Variants in EYS observed in about 807,000 individuals in gnomAD.
The protein encoded by EYS is protein eyes shut homolog.
In EYS, 250 loss-of-function variants were observed where a neutral mutation model predicts 282.1. That is an observed-to-expected ratio of 0.89 (90% confidence interval 0.80 to 0.98). The LOEUF (loss-of-function observed/expected upper bound fraction) is 0.98. Among genes scored for constraint, EYS ranks in the 50% least tolerant of loss-of-function variants. EYS has a pLI of 0.00. For missense variants in EYS, 4,016 were observed against 3,709.0 expected (o/e 1.08, Z -2.15); for synonymous variants, 1,355 against 1,282.9 (o/e 1.06, Z -1.20).
chr6:64,760,061 G>A (rs1231126088), intron 22 of EYS, among the ~76,000 whole-genome samples: 3 of 152,140 alleles, frequency 2.0e-5, no homozygotes, highest in Non-Finnish European at 4.4e-5. Flanking sequence ...TACCAATTAT[G>A]TTTTTAAAAT....
intron 12 of EYS, among the ~76,000 whole-genome samples, chr6:65,180,219 G>A (rs1356484551): frequency 2.0e-5 from 3 of 152,020 alleles, no homozygotes; most frequent in Non-Finnish European, 2.9e-5. Context: ...AGTCAGGCAG[G>A]AGAAGGAAAT....
intron 22 of EYS, among the ~76,000 whole-genome samples, chr6:64,731,446 A>C (rs1583090874): frequency 6.6e-6 from 1 of 152,364 alleles, no homozygotes; most frequent in Middle Eastern, 3.4e-3. Context: ...AGAATCTACA[A>C]GGAACTTAAA....
intron 2 of EYS, among the ~76,000 whole-genome samples, chr6:65,606,014 C>T (rs1427241864): frequency 6.6e-6 from 1 of 151,504 alleles, no homozygotes; most frequent in African/African-American, 2.4e-5. Flanking sequence ...GGAAATATTT[C>T]ACATCAGATA....
At chr6:63,994,159 G>A (rs1767728006) in intron 34 of EYS, among the ~76,000 whole-genome samples, 1 of 151,916 alleles carries the variant, frequency 6.6e-6, no homozygotes, top group South Asian at 2.1e-4. Flanking sequence ...AGAAAATTCA[G>A]AACTTAGCTG....
chr6:64,326,849 AG>A (rs1226416606), intron 29 of EYS, among the ~76,000 whole-genome samples: 11 of 152,242 alleles, frequency 7.2e-5, no homozygotes, highest in Admixed American at 2.0e-4. Flanking sequence ...AACCACAGTA[AG>A]GTTTGGGCCC....
intron 12 of EYS, among the ~76,000 whole-genome samples, chr6:65,108,782 C>G (rs1054778010): frequency 1.3e-5 from 2 of 152,048 alleles, no homozygotes; most frequent in African/African-American, 4.8e-5. Context: ...ATAATTTTTT[C>G]TGCCCTATGC....
At chr6:65,379,405 G>A (rs1383490889) in intron 8 of EYS, among the ~76,000 whole-genome samples, 3 of 151,934 alleles carry the variant, frequency 2.0e-5, no homozygotes, top group Admixed American at 6.6e-5. Flanking sequence ...GGCCTTCGAC[G>A]AAATTCAACA....
intron 30 of EYS, among the ~76,000 whole-genome samples, chr6:64,291,204 C>T (rs951584352): frequency 6.6e-6 from 1 of 151,820 alleles, no homozygotes; most frequent in Non-Finnish European, 1.5e-5. Context: ...TGACTCTTAT[C>T]AGTGTCACCA....
chr6:64,513,221 A>G (rs1777462605), intron 26 of EYS, among the ~76,000 whole-genome samples: 1 of 151,960 alleles, frequency 6.6e-6, no homozygotes, highest in Admixed American at 6.6e-5. Context: ...AAAAGAGTAC[A>G]TAATTGAATT....
At chr6:64,562,300 A>G (rs1765422149) in intron 26 of EYS, among the ~76,000 whole-genome samples, 1 of 151,898 alleles carries the variant, frequency 6.6e-6, no homozygotes, top group Non-Finnish European at 1.5e-5. Context: ...AGAAGTCTAC[A>G]AAAATATTTT....
chr6:64,900,701 G>T (rs1440850930), intron 18 of EYS, among the ~76,000 whole-genome samples: 1 of 152,160 alleles, frequency 6.6e-6, no homozygotes, highest in East Asian at 1.9e-4. Context: ...ATGCCAGTTA[G>T]AATGGCGATC....
chr6:65,099,961 C>A (rs995002501), intron 12 of EYS, among the ~76,000 whole-genome samples: 2 of 150,716 alleles, frequency 1.3e-5, no homozygotes, highest in Non-Finnish European at 3.0e-5. Context: ...GTGACAATGA[C>A]ATGTGATTAT....
chr6:65,534,517 C>A (rs1417264237), intron 2 of EYS, among the ~76,000 whole-genome samples: 1 of 152,052 alleles, frequency 6.6e-6, no homozygotes, highest in African/African-American at 2.4e-5. Context: ...AGCAACCAGT[C>A]CAGAAAGCCA....
intron 14 of EYS, among the ~76,000 whole-genome samples, chr6:64,987,140 G>A (rs1282104220): frequency 6.6e-6 from 1 of 151,394 alleles, no homozygotes; most frequent in Non-Finnish European, 1.5e-5. Flanking sequence ...TTATTCTGGC[G>A]ACAAGCAGCT....
In EYS at chr6:64,646,428, C is replaced by G. The variant is rs182947025; in HGVS notation, c.3444-20183G>C. On this transcript the variant is annotated intron_variant, in intron 22 of 42. Transcript: ENST00000503581. ...TATAATGGTAAAAGAGACATTTAACCTTCTTTTCCCAAATATTCTCATATT... is the reference window on the plus strand; with the variant it reads ...TATAATGGTAAAAGAGACATTTAACGTTCTTTTCCCAAATATTCTCATATT... Among the ~76,000 whole-genome samples the G allele has an allele frequency of 4.7e-3, 710 of 152,146 alleles. 3 individuals carry two copies. The highest frequency in any genetic ancestry group is 6.2e-3 in the Non-Finnish European group (421 of 67,980).
intron 13 of EYS, among the ~76,000 whole-genome samples, chr6:65,011,081 G>T (rs1771850491): frequency 6.6e-6 from 1 of 152,210 alleles, no homozygotes; most frequent in Non-Finnish European, 1.5e-5. Context: ...AGCAGGAGAA[G>T]TAGAATGGGG....
At chr6:64,802,180 C>A (rs553101801) in intron 22 of EYS, among the ~76,000 whole-genome samples, 12 of 151,224 alleles carry the variant, frequency 7.9e-5, no homozygotes, top group Admixed American at 7.3e-4. Flanking sequence ...ACTACAGGCG[C>A]CCACCACCAT....
At chr6:64,345,237 T>C (rs1342531143) in intron 29 of EYS, among the ~76,000 whole-genome samples, 43 of 150,192 alleles carry the variant, frequency 2.9e-4, no homozygotes, top group African/African-American at 9.8e-4. Context: ...GAGCCCACAT[T>C]GCCAAGTCAA....
intron 2 of EYS, among the ~76,000 whole-genome samples, chr6:65,496,560 G>A (rs905309890): frequency 2.6e-5 from 4 of 151,980 alleles, no homozygotes; most frequent in Non-Finnish European, 5.9e-5. Flanking sequence ...TTTGTTTAAT[G>A]TCCTTAGGCA....
Sources: allele counts gnomAD v4.1 joint callset (sites outside exome capture counted in the v4.1 genomes callset), GRCh38; gene constraint gnomAD v4.1.1; transcripts MANE v1.5; gene names NCBI Gene and HGNC (gene_info 2026-07-23, HGNC 2026-07-21).